Variants in STS observed in about 807,000 individuals in gnomAD.
The protein encoded by STS is steroid sulfatase, also known as steryl-sulfatase.
A neutral mutation model predicts 26.8 loss-of-function variants in STS; 7 were observed. The ratio of observed to expected loss-of-function variants is 0.26; its 90% CI spans 0.15 to 0.49. STS has a LOEUF of 0.49. STS is among the 20% of genes least tolerant of loss of function. STS has a pLI of 0.98. For synonymous variants in STS, 199 were observed against 189.4 expected, an observed-to-expected ratio of 1.05 and a Z score of -0.42; for missense variants, 434 against 465.6, an observed-to-expected ratio of 0.93 and a Z score of 0.63.
At chrX:7,212,000 C>T (rs1921053535) in intron 2 of STS, among the ~76,000 whole-genome samples, 2 of 112,102 alleles carry the variant, frequency 1.8e-5, no homozygotes, top group African/African-American at 3.2e-5. Flanking sequence ...GGAGCAGATA[C>T]GTGTCAATGT....
At chrX:7,295,535 G>A in intron 7 of STS, among the ~76,000 whole-genome samples, 1 of 110,897 alleles carries the variant, frequency 9.0e-6, no homozygotes, top group Non-Finnish European at 1.9e-5. Context: ...TCATAGATGA[G>A]AAAACGTCTA....
chrX:7,201,391 G>A (rs770731131), intron 2 of STS, among the ~76,000 whole-genome samples: 1 of 111,612 alleles, frequency 9.0e-6, no homozygotes, highest in Non-Finnish European at 1.9e-5. Context: ...TGCTCTCTCA[G>A]CATAAAAACC....
intron 2 of STS, among the ~76,000 whole-genome samples, chrX:7,206,307 G>C (rs1447649377): frequency 8.9e-6 from 1 of 111,827 alleles, no homozygotes; most frequent in Non-Finnish European, 1.9e-5. Flanking sequence ...CAATCACCTT[G>C]GCTTTTTGTT....
intron 7 of STS, among the ~76,000 whole-genome samples, chrX:7,282,185 G>GGTTT (rs138605314): frequency 8.1e-4 from 88 of 108,240 alleles, no homozygotes; most frequent in African/African-American, 2.1e-3. Context: ...AGTGGTAAAT[G>GGTTT]GTTTGTTTGT....
chrX:7,341,896 T>G (rs1210525059), intron 10 of STS, among the ~76,000 whole-genome samples: 1 of 109,907 alleles, frequency 9.1e-6, no homozygotes, highest in African/African-American at 3.3e-5. Flanking sequence ...CACTGCAAAC[T>G]CCACCTCCAG....
intron 1 of STS, among the ~76,000 whole-genome samples, chrX:7,155,849 T>C (rs1456838159): frequency 8.9e-6 from 1 of 112,075 alleles, no homozygotes; most frequent in Admixed American, 9.5e-5. Context: ...CCTCTTAAAG[T>C]TGCAATTTCC....
chrX:7,349,316 CTTTTTTTTTTTTTTTTTTTT>C (rs1178578773), intron 10 of STS, among the ~76,000 whole-genome samples: 2 of 52,887 alleles, frequency 3.8e-5, no homozygotes, highest in African/African-American at 1.5e-4. Context: ...CATTTAATTC[CTTTTTTTTTTTTTTTTTTTT>C]TTTTTTTTTT....
chrX:7,263,805 ATGTGTGTGTGTTTGTGTATATATATG>A (rs1569206102), intron 6 of STS, among the ~76,000 whole-genome samples: 2 of 97,960 alleles, frequency 2.0e-5, no homozygotes. Context: ...GTGTGTATAT[ATGTGTGTGTGTTTGTGTATATATATG>A]TGTGTGTGTG....
intron 1 of STS, among the ~76,000 whole-genome samples, chrX:7,183,429 C>G (rs1933718023): frequency 9.0e-6 from 1 of 111,683 alleles, no homozygotes; most frequent in Admixed American, 9.5e-5. Flanking sequence ...AAATGCCCCC[C>G]AAACTAAGAT....
intron 1 of STS, among the ~76,000 whole-genome samples, chrX:7,167,404 T>G (rs1933373450): frequency 9.1e-6 from 1 of 110,390 alleles, no homozygotes; most frequent in Admixed American, 9.7e-5. Context: ...TTAGTAGAGA[T>G]GAGGTTTCGC....
At chrX:7,258,105 C>CATAGATAG (rs72344557) in intron 5 of STS, among the ~76,000 whole-genome samples, 5,112 of 92,631 alleles carry the variant, frequency 0.055, 153 homozygotes, top group Middle Eastern at 0.11. Flanking sequence ...GAAAAACAGA[C>CATAGATAG]ATAGATAGAT....
intron 8 of STS, among the ~76,000 whole-genome samples, chrX:7,314,838 G>A (rs1370502369): frequency 8.9e-6 from 1 of 112,247 alleles, no homozygotes; most frequent in Non-Finnish European, 1.9e-5. Context: ...AAAGTGAGAA[G>A]GATGTGGCCA....
In STS at chrX:7,257,336, A is replaced by G. The variant is rs373509256; in HGVS notation, c.232A>G (p.Met78Val). The change falls in exon 4 of 11, where the codon ATG becomes GTG. Residue 78 changes from methionine (M) to valine (V), a missense_variant. Coordinates refer to ENST00000674429, the MANE Select transcript of STS (RefSeq NM_001320752.2). The stretch of plus-strand genomic sequence containing the variant: ...GTGCACACCAAGCAGGGCAGCCTTC[A>G]TGACTGGCCGGTACCCTGTCCGATC... The part of the protein sequence containing the change: ...PLCTPSRAAF[M>V]TGRYPVRSGM... 9.1e-6 allele frequency: 11 copies of G among 1,210,583 alleles called. No homozygotes were observed. In the African/African-American group the frequency reaches 1.9e-4, roughly 21 times the overall value.
At chrX:7,329,014 C>T (rs779592719) in intron 9 of STS, among the ~76,000 whole-genome samples, 1 of 111,631 alleles carries the variant, frequency 9.0e-6, no homozygotes, top group East Asian at 2.8e-4. Context: ...TGGTTTTAAA[C>T]CACAGATGTT....
intron 8 of STS, among the ~76,000 whole-genome samples, chrX:7,319,426 G>T (rs1569224055): frequency 9.1e-6 from 1 of 110,261 alleles, no homozygotes; most frequent in Non-Finnish European, 1.9e-5. Flanking sequence ...CTCTCAAAGT[G>T]CTGGAATTAC....
At chrX:7,253,479 C>A in intron 3 of STS, 143 bp downstream of exon 3, 2 of 835,550 alleles carry the variant, frequency 2.4e-6, no homozygotes, top group Non-Finnish European at 3.5e-6. Context: ...TGTAGATACA[C>A]TGAGATGTAG....
intron 2 of STS, among the ~76,000 whole-genome samples, chrX:7,247,834 G>A (rs1922958237): frequency 8.9e-6 from 1 of 111,756 alleles, no homozygotes; most frequent in African/African-American, 3.3e-5. Flanking sequence ...CAAATCATCC[G>A]TCCCCAAATG....
intron 8 of STS, among the ~76,000 whole-genome samples, chrX:7,316,304 A>C (rs1569222969): frequency 8.9e-6 from 1 of 111,983 alleles, no homozygotes; most frequent in Non-Finnish European, 1.9e-5. Context: ...ACCCCACCCC[A>C]AAAAATCAAA....
chrX:7,322,390 TTC>T lies in STS; in HGVS notation c.1082-2933_1082-2932del, dbSNP rs536562385. 4.2e-4 allele frequency among the ~76,000 whole-genome samples: 46 copies of T among 110,505 alleles called. No homozygotes were observed. In the South Asian group the frequency reaches 6.2e-3, roughly 15 times the overall value. ...GAAAGCCTGGCTGCCTCAATGCAGA[TTC>T]TCTCTCTCTCTCTCTTTTTCTTTTC... On this transcript the variant is annotated intron_variant, in intron 8 of 10. Transcript: ENST00000674429.
Sources: allele counts gnomAD v4.1 joint callset (sites outside exome capture counted in the v4.1 genomes callset), GRCh38; gene constraint gnomAD v4.1.1; transcripts MANE v1.5; gene names NCBI Gene and HGNC (gene_info 2026-07-23, HGNC 2026-07-21).